TRIM21: variants seen among roughly 807,000 people sequenced by gnomAD.
TRIM21 encodes the protein E3 ubiquitin-protein ligase TRIM21.
Under a neutral mutation model 36.1 loss-of-function variants are expected in TRIM21, and 35 were observed. That is an observed-to-expected ratio of 0.97 (90% CI 0.74 to 1.28). TRIM21 has a LOEUF of 1.28. Among genes scored for constraint, TRIM21 ranks in the 50% most tolerant of loss-of-function variants. The pLI is 0.00. For missense variants in TRIM21, 635 were observed against 570.7 expected, an observed-to-expected ratio of 1.11 and a Z score of -1.15; for synonymous variants, 256 against 211.5, an observed-to-expected ratio of 1.21 and a Z score of -1.83.
intron 3 of TRIM21, 120 bp from the exon 4 acceptor site, chr11:4,388,650 C>G: frequency 1.1e-6 from 1 of 939,076 alleles, no homozygotes; most frequent in South Asian, 1.5e-5. Context: ...TCTGGGAAAA[C>G]ACACACACAT....
At chr11:4,393,501 A>C (rs1344736438) in intron 1 of TRIM21, 132 bp downstream of exon 1, 2 of 152,508 alleles carry the variant, frequency 1.3e-5, no homozygotes, top group African/African-American at 4.8e-5. Flanking sequence ...GGGTTGAGGG[A>C]TCCCTGGTGG....
chr11:4,385,855 T>G lies in TRIM21; in HGVS notation c.860-2A>C, dbSNP rs2094955720. 2 of 1,602,456 alleles carry G rather than the reference T, an allele frequency of 1.2e-6. No homozygotes were observed. The highest frequency in any genetic ancestry group is 1.7e-6 in the Non-Finnish European group (2 of 1,173,702). ...TGTCTGGATCCAGAGTGATGTGGAC[T>G]GCAGAGAGAGGACCACAGTCAGGCC... On this transcript the variant is annotated splice_acceptor_variant, in intron 6 of 6. Transcript: ENST00000254436. LOFTEE classifies it high-confidence loss of function.
chr11:4,391,181 A>G (rs2094962713), intron 1 of TRIM21, among the ~76,000 whole-genome samples: 1 of 152,222 alleles, frequency 6.6e-6, no homozygotes, highest in African/African-American at 2.4e-5. Context: ...TCCATCTGAC[A>G]AGGGATGAAT....
intron 4 of TRIM21, among the ~76,000 whole-genome samples, chr11:4,387,837 TA>T (rs1564809911): frequency 1.3e-5 from 2 of 151,626 alleles, no homozygotes; most frequent in African/African-American, 4.8e-5. Flanking sequence ...GTCTCATAAA[TA>T]AATAAATAAA....
chr11:4,387,982 G>C (rs117196834), intron 4 of TRIM21, among the ~76,000 whole-genome samples: 1 of 152,168 alleles, frequency 6.6e-6, no homozygotes, highest in African/African-American at 2.4e-5. Flanking sequence ...ACAGGTGTGG[G>C]AAAAGAGCTG....
chr11:4,392,294 C>T (rs181476689), intron 1 of TRIM21, among the ~76,000 whole-genome samples: 82 of 152,224 alleles, frequency 5.4e-4, no homozygotes, highest in African/African-American at 1.6e-3. Flanking sequence ...GGGTCAGGCA[C>T]GGTGGCTCAC....
Position 4,386,264 on chromosome 11 carries a change from G to T in TRIM21, c.759-7C>A. The T allele has an allele frequency of 4.3e-6, 7 of 1,609,812 alleles. No individual in the cohort carries two copies. In the South Asian group the frequency reaches 4.4e-5, roughly 10 times the overall value. ...CAGGTTCCAGGACTCACTCCTGGGGGAAAGAGAGTTTGAGACTCCTGTCTC... is the reference window on the plus strand; with the variant it reads ...CAGGTTCCAGGACTCACTCCTGGGGTAAAGAGAGTTTGAGACTCCTGTCTC... On this transcript the variant is annotated splice_region_variant and splice_polypyrimidine_tract_variant and intron_variant, in intron 5 of 6. Transcript: ENST00000254436.
chr11:4,389,783 C>T (rs1245080952), intron 2 of TRIM21, 34 bp from the exon 3 acceptor site: 2 of 1,595,446 alleles, frequency 1.3e-6, no homozygotes, highest in South Asian at 1.1e-5. Context: ...GTCCCCCATG[C>T]AAACCAAGTA....
In TRIM21 at chr11:4,389,730, A is replaced by G; in HGVS notation, c.428T>C (p.Leu143Ser). The G allele has an allele frequency of 6.2e-7, 1 of 1,613,876 alleles. No individual in the cohort carries two copies. The highest frequency in any genetic ancestry group is 8.5e-7 in the Non-Finnish European group (1 of 1,179,854). ...QEYQEKLQVA[L>S]GELRRKQELA... ...CTCCTGCTTTCTTCTCAGTTCCCCT[A>G]ATGCCACCTGGAGCTTCTCCTGCAG... The change falls in exon 3 of 7, where the codon TTA becomes TCA. Residue 143 changes from leucine to serine, a missense_variant. By Grantham distance (145) the Leu-to-Ser change is moderately radical. Transcript: ENST00000254436.
rs2094954639 is a variant in TRIM21, at chr11:4,385,200, G to GT, written c.*84dup. ...GGATGCCTCTGCAGAGACAAAGGTG[G>GT]TTCAGAGTTCATGGGGAAAAGAGGC... On this transcript the variant is annotated 3_prime_UTR_variant, in exon 7 of 7. Coordinates refer to ENST00000254436, the MANE Select transcript of TRIM21 (RefSeq NM_003141.4). 13 of 1,351,828 alleles carry GT rather than the reference G, an allele frequency of 9.6e-6. No homozygotes were observed. The highest frequency in any genetic ancestry group is 5.4e-4 in the Middle Eastern group (2 of 3,692). The allele number at this position is 1,351,828 out of a possible 1,614,324, so 83.7% of individuals were successfully genotyped here. A position where few individuals can be genotyped will look rare whatever the true frequency, so the allele number is the denominator to read the frequency against.
Position 4,388,380 on chromosome 11 carries a change from C to A in TRIM21, c.655G>T (p.Ala219Ser), listed in dbSNP as rs764736589. 22 of 1,613,964 alleles carry A rather than the reference C, an allele frequency of 1.4e-5. No individual in the cohort carries two copies. Among genetic ancestry groups the A allele is most frequent in the Non-Finnish European group, 1.9e-5 (22 of 1,179,898 alleles). Residue 219 changes from alanine to serine, a missense_variant, in exon 4 of 7, where the codon GCC becomes TCC. Ala to Ser is a moderately conservative substitution (Grantham distance 99). Coordinates refer to ENST00000254436, the MANE Select transcript of TRIM21 (RefSeq NM_003141.4). The stretch of plus-strand genomic sequence containing the variant: ...TCCTGTAGGGCCTGGCTCTGCTGGG[C>A]CAGCTTGGCCTCTTTCTCCCCCAGG... ...RILGEKEAKL[A>S]QQSQALQELI...
rs367934964 is a variant in TRIM21, at chr11:4,385,825, G to A, written c.888C>T (p.Ala296=). The change falls in exon 7 of 7, where the codon GCC becomes GCT. Residue 296 remains alanine (A), a synonymous_variant. Transcript: ENST00000254436. The part of the protein sequence containing the change: ...AVHITLDPDT[A]NPWLILSEDR... Reference sequence around the variant, plus strand: ...CTTCTGAAAGTATCAGCCACGGATTGGCTGTGTCTGGATCCAGAGTGATGT... The same window carrying A: ...CTTCTGAAAGTATCAGCCACGGATTAGCTGTGTCTGGATCCAGAGTGATGT... 2.1e-4 allele frequency: 343 copies of A among 1,612,038 alleles called. No individual in the cohort carries two copies. Among genetic ancestry groups the A allele is most frequent in the Non-Finnish European group, 2.8e-4 (331 of 1,179,006 alleles).
chr11:4,385,027 A>G lies in TRIM21; in HGVS notation c.*258T>C. The G allele has an allele frequency of 2.3e-6, 1 of 440,304 alleles. No individual in the cohort carries two copies. Among genetic ancestry groups the G allele is most frequent in the South Asian group, 5.4e-5 (1 of 18,550 alleles). 27.3% of individuals were successfully genotyped at this position (440,304 alleles called of 1,614,324 possible). A position where few individuals can be genotyped will look rare whatever the true frequency, so the allele number is the denominator to read the frequency against. On this transcript the variant is annotated 3_prime_UTR_variant, in exon 7 of 7. Coordinates refer to ENST00000254436, the MANE Select transcript of TRIM21 (RefSeq NM_003141.4). Reference sequence around the variant, plus strand: ...GAAAAAAAAAACTTAAGTCCCATAAAGAAGGCAGAAACATGTTTTTGGTTG... The same window carrying G: ...GAAAAAAAAAACTTAAGTCCCATAAGGAAGGCAGAAACATGTTTTTGGTTG...
chr11:4,392,890 A>G (rs1032217548), intron 1 of TRIM21, among the ~76,000 whole-genome samples: 2 of 152,166 alleles, frequency 1.3e-5, no homozygotes, highest in African/African-American at 4.8e-5. Flanking sequence ...CTGAGAAATT[A>G]TAGCTACTTT....
chr11:4,390,345 G>A lies in TRIM21; in HGVS notation c.65C>T (p.Pro22Leu), dbSNP rs753153264. The A allele has an allele frequency of 1.2e-6, 2 of 1,613,932 alleles. No individual in the cohort carries two copies. The highest frequency in any genetic ancestry group is 1.7e-6 in the Non-Finnish European group (2 of 1,179,874). Residue 22 changes from proline to leucine, a missense_variant, in exon 2 of 7, where the codon CCC becomes CTC. Pro to Leu is a moderately conservative substitution (Grantham distance 98). Transcript: ENST00000254436. ...CTCGATGCTCACAGGCTCCACGAAGGGGTCCAGGCAGATAGGGCATGTGAC... is the reference window on the plus strand; with the variant it reads ...CTCGATGCTCACAGGCTCCACGAAGAGGTCCAGGCAGATAGGGCATGTGAC... ...EEVTCPICLD[P>L]FVEPVSIECG...
Position 4,385,448 on chromosome 11 carries a change from T to A in TRIM21, c.1265A>T (p.Asn422Ile), listed in dbSNP as rs1372991020. 1 of 1,613,102 alleles carries A rather than the reference T, an allele frequency of 6.2e-7. No individual in the cohort carries two copies. Among genetic ancestry groups the A allele is most frequent in the African/African-American group, 1.3e-5 (1 of 74,864 alleles). The change falls in exon 7 of 7, where the codon AAC becomes ATC. Residue 422 changes from asparagine to isoleucine, a missense_variant. Transcript: ENST00000254436. Reference sequence around the variant, plus strand: ...GATGAGGGAGCCATGGTCAGTGATGTTGTAGAAGGAGACCATGCCAGCCTC... The same window carrying A: ...GATGAGGGAGCCATGGTCAGTGATGATGTAGAAGGAGACCATGCCAGCCTC... ...DYEAGMVSFY[N>I]ITDHGSLIYS... is the part of the protein sequence containing the mutation.
In TRIM21 at chr11:4,388,286, C is replaced by T. The variant is rs369901685; in HGVS notation, c.735+14G>A. 34 of 1,597,206 alleles carry T rather than the reference C, an allele frequency of 2.1e-5. No individual in the cohort carries two copies. In the African/African-American group the frequency reaches 4.0e-4, roughly 19 times the overall value. On this transcript the variant is annotated intron_variant, in intron 4 of 6. Coordinates refer to ENST00000254436, the MANE Select transcript of TRIM21 (RefSeq NM_003141.4). Reference sequence around the variant, plus strand: ...ATTCCCTGAATTGTAGAAGGAAACCCCTCCCTGTCTCACCTGCAGCAGTTC... The same window carrying T: ...ATTCCCTGAATTGTAGAAGGAAACCTCTCCCTGTCTCACCTGCAGCAGTTC...
At position 4,390,216 on chromosome 11, in the gene TRIM21, G is replaced by A. The variant is rs1454980281; in HGVS notation, c.194C>T (p.Pro65Leu). 6.2e-7 allele frequency: 1 copy of A among 1,614,002 alleles called. No homozygotes were observed. Among genetic ancestry groups the A allele is most frequent in the Non-Finnish European group, 8.5e-7 (1 of 1,179,908 alleles). The change falls in exon 2 of 7, where the codon CCC becomes CTC. Residue 65 changes from proline to leucine, a missense_variant. Transcript: ENST00000254436. ...CACCATGTTGGCTAGCTGTCGATTG[G>A]GCCGGAGATTCTTGAGCAGAAAGCG... ...RQRFLLKNLR[P>L]NRQLANMVNN...
In TRIM21 at chr11:4,390,065, G is replaced by C. The variant is rs199497861; in HGVS notation, c.345C>G (p.Ala115=). 1.9e-6 allele frequency: 3 copies of C among 1,613,942 alleles called. No homozygotes were observed. Among genetic ancestry groups the C allele is most frequent in the Non-Finnish European group, 8.5e-7 (1 of 1,179,894 alleles). Residue 115 remains alanine (A), a synonymous_variant, in exon 2 of 7, where the codon GCC becomes GCG. Coordinates refer to ENST00000254436, the MANE Select transcript of TRIM21 (RefSeq NM_003141.4). ...CGTGGTCACGGTGTTTCCGAGACTG[G>C]GCACATACCCAGCAAAGGGCCTTCC... The part of the protein sequence containing the change: ...KDGKALCWVC[A]QSRKHRDHAM...
Sources: gnomAD v4.1 joint callset for allele counts (sites outside exome capture counted in the v4.1 genomes callset) on GRCh38, gnomAD v4.1.1 for gene constraint, MANE v1.5 for transcripts, NCBI Gene and HGNC (gene_info 2026-07-23, HGNC 2026-07-21) for gene names.